Variants in SNX29 observed in about 807,000 individuals in gnomAD.
SNX29 encodes the protein sorting nexin-29.
SNX29 carries 78 observed loss-of-function variants against 102.1 expected under a neutral mutation model. The ratio of observed to expected loss-of-function variants is 0.76; its 90% CI spans 0.64 to 0.92. SNX29 has a LOEUF of 0.92. Among genes scored for constraint, SNX29 ranks in the 40% least tolerant of loss-of-function variants. The probability of loss-of-function intolerance (pLI) is 0.00; values close to 1 mark genes in which losing one functional copy is unlikely to be tolerated. For missense variants in SNX29, 1,280 were observed against 1,061.7 expected (o/e 1.21, Z -2.86); for synonymous variants, 580 against 414.5 (o/e 1.40, Z -4.85).
chr16:12,229,796 G>A (rs2077717977), intron 14 of SNX29, among the ~76,000 whole-genome samples: 1 of 152,122 alleles, frequency 6.6e-6, no homozygotes, highest in Non-Finnish European at 1.5e-5. Flanking sequence ...TCTGCAGTCC[G>A]ACCTGTACTG....
chr16:12,107,619 G>A (rs2053316720), intron 11 of SNX29, among the ~76,000 whole-genome samples: 1 of 152,122 alleles, frequency 6.6e-6, no homozygotes, highest in Non-Finnish European at 1.5e-5. Context: ...CTGGGCAACA[G>A]AGTGAGACTC....
At chr16:12,134,065 C>G (rs2054570428) in intron 13 of SNX29, among the ~76,000 whole-genome samples, 1 of 152,212 alleles carries the variant, frequency 6.6e-6, no homozygotes, top group Non-Finnish European at 1.5e-5. Context: ...GCAATTAAGG[C>G]TCTGTAAGTC....
At chr16:12,208,286 T>C (rs150048413) in intron 14 of SNX29, among the ~76,000 whole-genome samples, 42 of 152,302 alleles carry the variant, frequency 2.8e-4, no homozygotes, top group African/African-American at 8.7e-4. Flanking sequence ...GTGGGGAGCA[T>C]TGAGTTTTGG....
intron 16 of SNX29, among the ~76,000 whole-genome samples, chr16:12,368,296 A>G (rs2082559787): frequency 6.6e-6 from 1 of 152,262 alleles, no homozygotes; most frequent in Admixed American, 6.5e-5. Flanking sequence ...TGGCAAATGC[A>G]GTGTATGCAA....
chr16:12,268,214 C>A (rs564196462), intron 14 of SNX29, among the ~76,000 whole-genome samples: 5 of 152,344 alleles, frequency 3.3e-5, no homozygotes, highest in African/African-American at 1.2e-4. Flanking sequence ...ATAGTCACTT[C>A]TTGGGTCTCT....
chr16:12,260,884 G>C (rs909888550), intron 14 of SNX29, among the ~76,000 whole-genome samples: 1 of 147,538 alleles, frequency 6.8e-6, no homozygotes, highest in Non-Finnish European at 1.5e-5. Context: ...CTGTGCATGC[G>C]TCCCCAGCTG....
At chr16:12,513,102 C>T (rs944057154) in intron 19 of SNX29, among the ~76,000 whole-genome samples, 1 of 151,950 alleles carries the variant, frequency 6.6e-6, no homozygotes, top group Admixed American at 6.5e-5. Flanking sequence ...CGTACCCCTT[C>T]CTCAGTTCTC....
At chr16:12,147,426 T>TTCCCATTCATTAATGCTTC (rs2055110065) in intron 13 of SNX29, among the ~76,000 whole-genome samples, 1 of 152,256 alleles carries the variant, frequency 6.6e-6, no homozygotes, top group Admixed American at 6.5e-5. Context: ...GGAAATGCTT[T>TTCCCATTCATTAATGCTTC]TCCCATTCAT....
intron 20 of SNX29, among the ~76,000 whole-genome samples, chr16:12,547,828 T>TGAGC (rs1364288698): frequency 9.2e-5 from 14 of 152,222 alleles, no homozygotes; most frequent in Admixed American, 9.2e-4. Flanking sequence ...ACAGCCTTAC[T>TGAGC]GAGCCCCAGA....
At chr16:12,115,196 C>T (rs895934529) in intron 11 of SNX29, among the ~76,000 whole-genome samples, 6 of 152,238 alleles carry the variant, frequency 3.9e-5, no homozygotes, top group African/African-American at 1.4e-4. Flanking sequence ...CCTTCAGCCC[C>T]CCTCGCTGCT....
intron 19 of SNX29, among the ~76,000 whole-genome samples, chr16:12,481,554 A>ACCCCCC (rs535949606): frequency 1.7e-5 from 2 of 117,670 alleles, no homozygotes; most frequent in East Asian, 2.2e-4. Flanking sequence ...ACACACACAC[A>ACCCCCC]CCCCAAATGT....
At chr16:12,470,513 C>T (rs1383926975) in intron 18 of SNX29, among the ~76,000 whole-genome samples, 1 of 152,134 alleles carries the variant, frequency 6.6e-6, no homozygotes, top group Non-Finnish European at 1.5e-5. Context: ...CTGCAGCCAG[C>T]AGAGAGGTGC....
chr16:12,355,640 A>G (rs1162122778), intron 15 of SNX29, among the ~76,000 whole-genome samples: 1 of 152,156 alleles, frequency 6.6e-6, no homozygotes, highest in Non-Finnish European at 1.5e-5. Flanking sequence ...TTGACTATAG[A>G]CCATCTGTAG....
At chr16:12,542,668 T>G (rs1287630371) in intron 20 of SNX29, among the ~76,000 whole-genome samples, 5 of 152,174 alleles carry the variant, frequency 3.3e-5, no homozygotes, top group Non-Finnish European at 7.3e-5. Flanking sequence ...GAAGGCAGCG[T>G]GTTGGGAACA....
chr16:12,254,031 C>G lies in SNX29; in HGVS notation c.1679-23902C>G, dbSNP rs562128646. The stretch of plus-strand genomic sequence containing the variant: ...TGAGTGAGAGCAGTACCAGATGCCT[C>G]CAGGGCATTGTCCTGAGCAGCCAGA... On this transcript the variant is annotated intron_variant, in intron 14 of 20. Coordinates refer to ENST00000566228, the MANE Select transcript of SNX29 (RefSeq NM_032167.5). Among the ~76,000 whole-genome samples the G allele has an allele frequency of 2.0e-4, 30 of 152,198 alleles. No homozygotes were observed. The East Asian group carries it at 5.8e-3, about 30-fold the overall frequency.
intron 19 of SNX29, among the ~76,000 whole-genome samples, chr16:12,523,566 A>T (rs956268430): frequency 6.6e-6 from 1 of 152,232 alleles, no homozygotes; most frequent in Non-Finnish European, 1.5e-5. Flanking sequence ...GGCCCAGGCC[A>T]ACGTGACAGT....
intron 11 of SNX29, chr16:12,095,391 C>T (rs1030586190): frequency 2.6e-5 from 4 of 152,186 alleles, no homozygotes; most frequent in Admixed American, 1.3e-4. Flanking sequence ...TTTTCTCTGC[C>T]GCTTTCCTTC....
intron 1 of SNX29, among the ~76,000 whole-genome samples, chr16:11,988,669 A>G (rs919044125): frequency 6.6e-6 from 1 of 152,136 alleles, no homozygotes; most frequent in Non-Finnish European, 1.5e-5. Flanking sequence ...CAAAATGCCA[A>G]GACTACGGGT....
chr16:12,151,307 C>A (rs540831975), intron 13 of SNX29, among the ~76,000 whole-genome samples: 1 of 151,950 alleles, frequency 6.6e-6, no homozygotes, highest in Non-Finnish European at 1.5e-5. Flanking sequence ...CACACACACA[C>A]TATTACACAA....
Sources: allele counts gnomAD v4.1 joint callset (sites outside exome capture counted in the v4.1 genomes callset), GRCh38; gene constraint gnomAD v4.1.1; transcripts MANE v1.5; gene names NCBI Gene and HGNC (gene_info 2026-07-23, HGNC 2026-07-21).